KIF6: variants seen among roughly 807,000 people sequenced by gnomAD.
KIF6 encodes kinesin-like protein KIF6.
In KIF6, 106 loss-of-function variants were observed where a neutral mutation model predicts 112.7. The observed-to-expected ratio is 0.94, with a 90% CI of 0.80 to 1.11. KIF6 has a LOEUF of 1.11. Among genes scored for constraint, KIF6 ranks in the 50% least tolerant of loss-of-function variants. The pLI is 0.00. For synonymous variants in KIF6, 339 were observed against 339.9 expected (o/e 1.00, Z 0.03); for missense variants, 929 against 964.0 (o/e 0.96, Z 0.48).
At chr6:39,701,268 GC>G (rs1429477431) in intron 3 of KIF6, among the ~76,000 whole-genome samples, 1 of 152,216 alleles carries the variant, frequency 6.6e-6, no homozygotes, top group African/African-American at 2.4e-5. Flanking sequence ...TCCTGGTCCA[GC>G]CCCCACGGGA....
At chr6:39,344,035 T>C (rs1042533792) in intron 21 of KIF6, among the ~76,000 whole-genome samples, 1 of 152,206 alleles carries the variant, frequency 6.6e-6, no homozygotes, top group Non-Finnish European at 1.5e-5. Context: ...TAGACCCTGA[T>C]ATGGTTTGGC....
At chr6:39,675,202 AG>A (rs1787060254) in intron 3 of KIF6, among the ~76,000 whole-genome samples, 3 of 152,174 alleles carry the variant, frequency 2.0e-5, no homozygotes, top group Non-Finnish European at 4.4e-5. Context: ...GGATGGAGAA[AG>A]AAGGCTGACA....
intron 13 of KIF6, among the ~76,000 whole-genome samples, chr6:39,509,561 A>C (rs1776642746): frequency 6.6e-6 from 1 of 152,224 alleles, no homozygotes; most frequent in Non-Finnish European, 1.5e-5. Context: ...TGAAAACCAC[A>C]GTATGAGAAC....
intron 16 of KIF6, among the ~76,000 whole-genome samples, chr6:39,377,361 T>TCCCCCCCCC (rs1275240955): frequency 2.1e-5 from 1 of 48,470 alleles, no homozygotes. Flanking sequence ...CCGTCCCCCA[T>TCCCCCCCCC]CCCCCCCCAA....
chr6:39,499,177 G>A (rs982713285), intron 13 of KIF6, among the ~76,000 whole-genome samples: 5 of 152,146 alleles, frequency 3.3e-5, no homozygotes, highest in Admixed American at 6.6e-5. Flanking sequence ...AGTCCCATAG[G>A]GTACAGGCCC....
rs58627991 is a variant in KIF6, at chr6:39,495,466, C to T, written c.1645+44537G>A. On this transcript the variant is annotated intron_variant, in intron 13 of 22. Transcript: ENST00000287152. ...ATCAGCTCCCTGAGGGTAGGTGAGG[C>T]GATTGCCATCTTAATATGTGGTCCC... 9.6e-3 allele frequency among the ~76,000 whole-genome samples: 1,464 copies of T among 152,252 alleles called. 25 individuals are homozygous for T. The highest frequency in any genetic ancestry group is 0.034 in the African/African-American group (1,396 of 41,550).
intron 19 of KIF6, among the ~76,000 whole-genome samples, chr6:39,352,256 T>A (rs569997975): frequency 3.2e-4 from 49 of 152,370 alleles, no homozygotes; most frequent in African/African-American, 1.1e-3. Flanking sequence ...TTATAACTGG[T>A]GAATGAATAT....
chr6:39,423,829 C>T (rs964067154), intron 14 of KIF6, among the ~76,000 whole-genome samples: 3 of 152,148 alleles, frequency 2.0e-5, no homozygotes, highest in Non-Finnish European at 2.9e-5. Flanking sequence ...TTCCACTTAG[C>T]TCCAACTGCC....
rs754366412 is a variant in KIF6, at chr6:39,346,523, A to G, written c.2184T>C (p.Ser728=). 50 of 711,370 alleles carry G rather than the reference A, an allele frequency of 7.0e-5. 1 individual carries two copies. The South Asian group carries it at 7.5e-4, about 11-fold the overall frequency. The allele number at this position is 711,370 out of a possible 1,614,324, so 44.1% of individuals were successfully genotyped here. Reference sequence around the variant, plus strand: ...CTTGATCTTGGACTTCCCAGCCTCCAGAACTGTGAAAAATAAACGTTTGTT... The same window carrying G: ...CTTGATCTTGGACTTCCCAGCCTCCGGAACTGTGAAAAATAAACGTTTGTT... The part of the protein sequence containing the change: ...EWSQLLSNKS[S]GGWEVQDQGT... The change falls in exon 20 of 23, where the codon TCT becomes TCC. Residue 728 remains serine (S), a synonymous_variant. Transcript: ENST00000287152.
chr6:39,369,578 T>C (rs180837318), intron 16 of KIF6, among the ~76,000 whole-genome samples: 18 of 152,318 alleles, frequency 1.2e-4, no homozygotes, highest in African/African-American at 4.1e-4. Flanking sequence ...CTGCTACGAC[T>C]GTGGGCCTCT....
At chr6:39,405,062 A>G (rs1247479990) in intron 15 of KIF6, among the ~76,000 whole-genome samples, 1 of 151,948 alleles carries the variant, frequency 6.6e-6, no homozygotes, top group Non-Finnish European at 1.5e-5. Context: ...TTATGTGTAG[A>G]CCTTGTATCC....
intron 18 of KIF6, 74 bp from the exon 19 acceptor site, chr6:39,357,448 CTTTTT>C (rs552350303): frequency 1.1e-3 from 617 of 543,264 alleles, no homozygotes; most frequent in South Asian, 1.3e-3. Flanking sequence ...TGATGTAATT[CTTTTT>C]TTTTTTTTTT....
rs528174517 is a variant in KIF6 at position 39,548,034 on chromosome 6, T to C, written c.1182-2346A>G. ...AAAAATCACTGTGGGTTCTAGAATA[T>C]ACACTCGTTTTCTGGAGTGAAAGCA... On this transcript the variant is annotated intron_variant, in intron 10 of 22. Coordinates refer to ENST00000287152, the MANE Select transcript of KIF6 (RefSeq NM_145027.6). Among the ~76,000 whole-genome samples, 4 of 152,338 alleles carry C rather than the reference T, an allele frequency of 2.6e-5. No homozygotes were observed. The East Asian group carries it at 7.7e-4, about 29-fold the overall frequency.
chr6:39,460,049 A>T (rs1462417629), intron 13 of KIF6, among the ~76,000 whole-genome samples: 2 of 147,928 alleles, frequency 1.4e-5, no homozygotes, highest in Non-Finnish European at 3.0e-5. Flanking sequence ...ACTATAAATC[A>T]TGCTGCTATA....
At chr6:39,573,995 C>T (rs1780785359) in intron 10 of KIF6, among the ~76,000 whole-genome samples, 1 of 152,150 alleles carries the variant, frequency 6.6e-6, no homozygotes, top group Non-Finnish European at 1.5e-5. Flanking sequence ...GGCAACCCTC[C>T]ATACTGTCTA....
chr6:39,511,966 G>C (rs979726499), intron 13 of KIF6, among the ~76,000 whole-genome samples: 15 of 152,334 alleles, frequency 9.8e-5, no homozygotes, highest in African/African-American at 3.6e-4. Flanking sequence ...CTGGGGGAGA[G>C]ATAGCATTAG....
At chr6:39,406,695 T>C (rs563247702) in intron 15 of KIF6, among the ~76,000 whole-genome samples, 10 of 152,296 alleles carry the variant, frequency 6.6e-5, no homozygotes, top group South Asian at 4.1e-4. Flanking sequence ...CTAGTTTATC[T>C]TGGGACTTTC....
At chr6:39,360,649 A>G in intron 17 of KIF6, 119 bp from the exon 18 acceptor site, 2 of 1,158,014 alleles carry the variant, frequency 1.7e-6, no homozygotes, top group Non-Finnish European at 2.5e-6. Context: ...CCTGGTGCTC[A>G]GGGACTGGGA....
intron 13 of KIF6, among the ~76,000 whole-genome samples, chr6:39,448,139 C>A (rs1772446277): frequency 6.6e-6 from 1 of 152,000 alleles, no homozygotes; most frequent in Admixed American, 6.5e-5. Context: ...CCTCTCTGGC[C>A]CACATTATTC....
Sources: allele counts gnomAD v4.1 joint callset (sites outside exome capture counted in the v4.1 genomes callset), GRCh38; gene constraint gnomAD v4.1.1; transcripts MANE v1.5; gene names NCBI Gene and HGNC (gene_info 2026-07-23, HGNC 2026-07-21).